The following TMEM259 variants were observed in gnomAD, a reference collection of about 807,000 sequenced individuals.
The protein encoded by TMEM259 is transmembrane protein 259.
TMEM259 carries 26 observed loss-of-function variants against 46.7 expected under a neutral mutation model. The observed-to-expected ratio is 0.56, with a 90% CI of 0.41 to 0.77. The LOEUF is 0.77. TMEM259 is among the 30% of genes least tolerant of loss of function. The pLI, the probability that TMEM259 is intolerant of heterozygous loss-of-function variation, is 0.00. For synonymous variants in TMEM259, 494 were observed against 395.1 expected (o/e 1.25, Z -2.97); for missense variants, 930 against 900.5 (o/e 1.03, Z -0.42).
chr19:1,017,986 A>T (rs1028187587), intron 1 of TMEM259, among the ~76,000 whole-genome samples: 23 of 151,620 alleles, frequency 1.5e-4, no homozygotes, highest in Admixed American at 5.9e-4. Context: ...GGTCTCACAT[A>T]CCCCGTCTTT....
rs1349662852 is a variant in TMEM259 at position 1,010,580 on chromosome 19, C to T, written c.1633G>A (p.Ala545Thr). The T allele has an allele frequency of 1.2e-5, 19 of 1,549,970 alleles. No homozygotes were observed. The highest frequency in any genetic ancestry group is 4.1e-5 in the African/African-American group (3 of 73,152). Reference protein sequence around the residue: ...GGDLGWMAETAAIITDASFLS... With the variant: ...GGDLGWMAETTAIITDASFLS... The stretch of plus-strand genomic sequence containing the variant: ...AAGGAGGCGTCTGTGATGATGGCAG[C>T]GGTCTCTGCCATCCAACCCAGGTCA... The change falls in exon 11 of 11, where the codon GCT (alanine) becomes ACT (threonine). Residue 545 changes from alanine (A) to threonine (T), a missense_variant. Transcript: ENST00000356663.
Position 1,020,700 on chromosome 19 carries a change from G to A in TMEM259, c.225+72C>T. 3.5e-6 allele frequency: 4 copies of A among 1,137,198 alleles called. No homozygotes were observed. The highest frequency in any genetic ancestry group is 4.5e-6 in the Non-Finnish European group (4 of 885,758). 70.4% of individuals were successfully genotyped at this position (1,137,198 alleles called of 1,614,324 possible). ...TGTCCCCAGCGGGGCCAGGGGTCGCGGTCGGAGGTAGCAGACTTGGGGGTC... is the reference window on the plus strand; with the variant it reads ...TGTCCCCAGCGGGGCCAGGGGTCGCAGTCGGAGGTAGCAGACTTGGGGGTC... On this transcript the variant is annotated intron_variant, in intron 1 of 10. Coordinates refer to ENST00000356663, the MANE Select transcript of TMEM259 (RefSeq NM_001033026.2). This position sits in a 1 kb window ranked among gnomAD's most constrained non-coding sequence, Gnocchi z 4.0.
intron 2 of TMEM259, 133 bp downstream of exon 2, chr19:1,014,059 C>CAA: frequency 8.7e-7 from 1 of 1,153,878 alleles, no homozygotes; most frequent in Non-Finnish European, 1.2e-6. Flanking sequence ...CAGGCAGGGG[C>CAA]GGCCTTGTCT....
chr19:1,016,179 C>T (rs956011128), intron 1 of TMEM259, among the ~76,000 whole-genome samples: 12 of 152,128 alleles, frequency 7.9e-5, no homozygotes, highest in South Asian at 2.1e-4. Context: ...CGCCCACAGA[C>T]GCCGGAGCTA....
In TMEM259 at chr19:1,010,347, G is replaced by A. The variant is rs944420866; in HGVS notation, c.*3C>T. 29 of 1,477,460 alleles carry A rather than the reference G, an allele frequency of 2.0e-5. No individual in the cohort carries two copies. In the African/African-American group the frequency reaches 2.8e-4, roughly 14 times the overall value. The allele number at this position is 1,477,460 out of a possible 1,614,324, so 91.5% of individuals were successfully genotyped here. ...GGGGTCAGAGGCGGCTCAGCTGTGC[G>A]GCTCAGGACCCCACCTCCGAGGGCG... On this transcript the variant is annotated 3_prime_UTR_variant, in exon 11 of 11. Coordinates refer to ENST00000356663, the MANE Select transcript of TMEM259 (RefSeq NM_001033026.2).
Position 1,010,235 on chromosome 19 carries a change from C to T in TMEM259, c.*115G>A. ...CAAACCCCACGAAACCCTGAAAGCC[C>T]CCGACACAGGCTGGGCAGTCCCAGA... On this transcript the variant is annotated 3_prime_UTR_variant, in exon 11 of 11. Coordinates refer to ENST00000356663, the MANE Select transcript of TMEM259 (RefSeq NM_001033026.2). 9.5e-7 allele frequency: 1 copy of T among 1,053,900 alleles called. No homozygotes were observed. The highest frequency in any genetic ancestry group is 1.3e-6 in the Non-Finnish European group (1 of 778,036). The allele number at this position is 1,053,900 out of a possible 1,614,324, so 65.3% of individuals were successfully genotyped here. A position where few individuals can be genotyped will look rare whatever the true frequency, so the allele number is the denominator to read the frequency against.
At chr19:1,018,916 A>T (rs2039196063) in intron 1 of TMEM259, among the ~76,000 whole-genome samples, 1 of 149,914 alleles carries the variant, frequency 6.7e-6, no homozygotes, top group African/African-American at 2.5e-5. Context: ...TGAACCCAGG[A>T]GGTGGAGTTT....
chr19:1,020,740 G>C lies in TMEM259; in HGVS notation c.225+32C>G. On this transcript the variant is annotated intron_variant, in intron 1 of 10. Coordinates refer to ENST00000356663, the MANE Select transcript of TMEM259 (RefSeq NM_001033026.2). This position sits in a 1 kb window ranked among gnomAD's most constrained non-coding sequence, Gnocchi z 4.0. ...ACTTGGGGGTCGGGACAGCCGCTGG[G>C]GTCAAGGGTCGGGGGTCGGGGCCGC... 1 of 1,285,366 alleles carries C rather than the reference G, an allele frequency of 7.8e-7. No individual in the cohort carries two copies. The allele number at this position is 1,285,366 out of a possible 1,614,324, so 79.6% of individuals were successfully genotyped here. A position where few individuals can be genotyped will look rare whatever the true frequency, so the allele number is the denominator to read the frequency against.
Position 1,012,466 on chromosome 19 carries a change from G to C in TMEM259, c.715C>G (p.Leu239Val). 1 of 1,599,322 alleles carries C rather than the reference G, an allele frequency of 6.3e-7. No individual in the cohort carries two copies. The highest frequency in any genetic ancestry group is 1.1e-5 in the South Asian group (1 of 88,722). Residue 239 changes from leucine to valine, a missense_variant, in exon 4 of 11, where the codon CTG becomes GTG. Coordinates refer to ENST00000356663, the MANE Select transcript of TMEM259 (RefSeq NM_001033026.2). The stretch of plus-strand genomic sequence containing the variant: ...AAGCCCAGCAGCTCAGACTCACCCA[G>C]GGTGACCACCATGACGGGGATGCTC... ...RLSIPVMVVT[L>V]DPTRDQCFGD... is the part of the protein sequence containing the mutation.
At chr19:1,010,946 G>GCCGCTGCTCCCAGAGGGCAGCCCAC (rs1353155281) in intron 10 of TMEM259, 51 bp from the exon 11 acceptor site, 1 of 1,564,946 alleles carries the variant, frequency 6.4e-7, no homozygotes, top group African/African-American at 1.4e-5. Flanking sequence ...GCCCCACCCA[G>GCCGCTGCTCCCAGAGGGCAGCCCAC]CCGCTGCTCC....
chr19:1,010,098 A>C lies in TMEM259; in HGVS notation c.*252T>G, dbSNP rs2038849446. The C allele has an allele frequency of 8.2e-6, 4 of 486,516 alleles. No homozygotes were observed. In the South Asian group the frequency reaches 1.0e-4, roughly 12 times the overall value. 30.1% of individuals were successfully genotyped at this position (486,516 alleles called of 1,614,324 possible). A position where few individuals can be genotyped will look rare whatever the true frequency, so the allele number is the denominator to read the frequency against. On this transcript the variant is annotated 3_prime_UTR_variant, in exon 11 of 11. Coordinates refer to ENST00000356663, the MANE Select transcript of TMEM259 (RefSeq NM_001033026.2). ...GCAGACCTACCAAGACCCCTCCAGA[A>C]CCTTCCGCGGAACCCCACCCCCTCT...
intron 4 of TMEM259, 29 bp from the exon 5 acceptor site, chr19:1,012,217 A>C: frequency 6.3e-7 from 1 of 1,577,450 alleles, no homozygotes; most frequent in South Asian, 1.2e-5. Context: ...GGGAGCCGGG[A>C]GCCCCGCCCA....
In TMEM259 at chr19:1,010,860, C is replaced by G; in HGVS notation, c.1353G>C (p.Leu451=). The G allele has an allele frequency of 6.3e-7, 1 of 1,594,586 alleles. No homozygotes were observed. The highest frequency in any genetic ancestry group is 8.5e-7 in the Non-Finnish European group (1 of 1,178,302). The part of the protein sequence containing the change: ...SMIYFFHHYE[L]PAILQQVRIQ... The stretch of plus-strand genomic sequence containing the variant: ...TGCGGACCTGCTGCAGGATGGCAGG[C>G]AGCTCGTAGTGGTGGAAGAAGTAGA... The change falls in exon 11 of 11, where the codon CTG becomes CTC. Residue 451 remains leucine, a synonymous_variant. Coordinates refer to ENST00000356663, the MANE Select transcript of TMEM259 (RefSeq NM_001033026.2).
Position 1,009,688 on chromosome 19 carries a change from C to T in TMEM259, c.*662G>A. 9.4e-7 allele frequency: 1 copy of T among 1,061,490 alleles called. No homozygotes were observed. Among genetic ancestry groups the T allele is most frequent in the Non-Finnish European group, 1.3e-6 (1 of 799,560 alleles). The allele number at this position is 1,061,490 out of a possible 1,614,324, so 65.8% of individuals were successfully genotyped here. ...AGACAGTTTATTCTATATACAAACA[C>T]AATTTTGTACACTGCAATTAAATAG... On this transcript the variant is annotated 3_prime_UTR_variant, in exon 11 of 11. Transcript: ENST00000356663.
intron 3 of TMEM259, 62 bp from the exon 4 acceptor site, chr19:1,012,635 C>A: frequency 1.3e-6 from 2 of 1,525,442 alleles, no homozygotes; most frequent in South Asian, 2.5e-5. Context: ...CCACTGCCAG[C>A]AGGCAAGGCA....
intron 4 of TMEM259, 73 bp downstream of exon 4, chr19:1,012,390 C>T (rs1477959714): frequency 6.6e-7 from 1 of 1,523,562 alleles, no homozygotes; most frequent in Non-Finnish European, 8.8e-7. Flanking sequence ...CGTCCCGCAC[C>T]AGCAGGAGGA....
chr19:1,010,417 GC>G lies in TMEM259; in HGVS notation c.1795del (p.Ala599LeufsTer3). On this transcript the variant is annotated frameshift_variant, in exon 11 of 11. Coordinates refer to ENST00000356663, the MANE Select transcript of TMEM259 (RefSeq NM_001033026.2). LOFTEE classifies it low-confidence loss of function (END_TRUNC). ...SAASDTTPLGAAVGGPSPASM... is the reference protein window; with the variant it reads ...SAASDTTPLGXAVGGPSPASM... ...GGCCGGGCTAGGCCCGCCTACCGCA[GC>G]CCCCAGGGGAGTTGTGTCAGAAGCT... is the stretch of plus-strand genomic sequence containing the variant. 1 of 1,519,116 alleles carries G rather than the reference GC, an allele frequency of 6.6e-7. No individual in the cohort carries two copies. Among genetic ancestry groups the G allele is most frequent in the Non-Finnish European group, 8.8e-7 (1 of 1,137,000 alleles). 94.1% of individuals were successfully genotyped at this position (1,519,116 alleles called of 1,614,324 possible).
Position 1,020,813 on chromosome 19 carries a change from G to T in TMEM259, c.184C>A (p.Pro62Thr). ...MAVTYSRLFP[P>T]AFRRLFEFFV... is the part of the protein sequence containing the mutation. ...AACTCGAAGAGACGGCGGAAGGCGG[G>T]CGGGAAGAGCCGCGAATAGGTGACA... Residue 62 changes from proline (P) to threonine (T), a missense_variant, in exon 1 of 11, where the codon CCC becomes ACC. By Grantham distance (38) the Pro-to-Thr change is conservative. Transcript: ENST00000356663. The surrounding 1 kb of genome is among the most constrained non-coding windows in gnomAD (Gnocchi z 4.0). 7.3e-7 allele frequency: 1 copy of T among 1,365,330 alleles called. No individual in the cohort carries two copies. Among genetic ancestry groups the T allele is most frequent in the South Asian group, 2.0e-5 (1 of 49,834 alleles). 84.6% of individuals were successfully genotyped at this position (1,365,330 alleles called of 1,614,324 possible). A position where few individuals can be genotyped will look rare whatever the true frequency, so the allele number is the denominator to read the frequency against.
At position 1,010,106 on chromosome 19, in the gene TMEM259, C is replaced by T. The variant is rs2038849941; in HGVS notation, c.*244G>A. 2 of 497,090 alleles carry T rather than the reference C, an allele frequency of 4.0e-6. No individual in the cohort carries two copies. Among genetic ancestry groups the T allele is most frequent in the Non-Finnish European group, 7.0e-6 (2 of 285,492 alleles). 30.8% of individuals were successfully genotyped at this position (497,090 alleles called of 1,614,324 possible). On this transcript the variant is annotated 3_prime_UTR_variant, in exon 11 of 11. Transcript: ENST00000356663. ...ACCAAGACCCCTCCAGAACCTTCCG[C>T]GGAACCCCACCCCCTCTCCTTGCTG... is the stretch of plus-strand genomic sequence containing the variant.
Sources: allele counts gnomAD v4.1 joint callset (sites outside exome capture counted in the v4.1 genomes callset), GRCh38; gene constraint gnomAD v4.1.1; non-coding constraint Gnocchi (gnomAD v3.1); transcripts MANE v1.5; gene names NCBI Gene and HGNC (gene_info 2026-07-23, HGNC 2026-07-21).